The following CADPS variants were observed in gnomAD, a reference collection of about 807,000 sequenced individuals.
CADPS encodes the protein calcium dependent secretion activator, also known as calcium-dependent secretion activator 1.
Under a neutral mutation model 167.3 loss-of-function variants are expected in CADPS, and 57 were observed. The observed-to-expected ratio is 0.34, with a 90% CI of 0.28 to 0.42. The LOEUF is 0.42. Among genes scored for constraint, CADPS ranks in the 20% least tolerant of loss-of-function variants. The pLI, the probability that CADPS is intolerant of heterozygous loss-of-function variation, is 1.00. For synonymous variants in CADPS, 676 were observed against 635.3 expected (o/e 1.06, Z -0.96); for missense variants, 1,414 against 1,738.1 (o/e 0.81, Z 3.32).
At chr3:62,696,374 T>C (rs1320036887) in intron 3 of CADPS, among the ~76,000 whole-genome samples, 1 of 152,076 alleles carries the variant, frequency 6.6e-6, no homozygotes, top group African/African-American at 2.4e-5. Flanking sequence ...TGAACTCCAG[T>C]TTGCCACACT....
intron 21 of CADPS, 28 bp from the exon 22 acceptor site, chr3:62,481,897 A>G: frequency 6.2e-7 from 1 of 1,600,522 alleles, no homozygotes; most frequent in Non-Finnish European, 8.5e-7. Flanking sequence ...AGAAAGAAAA[A>G]ATACCATCAC....
chr3:62,581,595 T>A lies in CADPS; in HGVS notation c.1577+3590A>T, dbSNP rs140496180. On this transcript the variant is annotated intron_variant, in intron 8 of 29. Transcript: ENST00000383710. ...ACTTGGGAGGCTGAGGTGGGAGGACTGCCTGAGCCCAAGAGGTCAAGGCTG... is the reference window on the plus strand; with the variant it reads ...ACTTGGGAGGCTGAGGTGGGAGGACAGCCTGAGCCCAAGAGGTCAAGGCTG... Among the ~76,000 whole-genome samples the A allele has an allele frequency of 4.9e-3, 742 of 152,022 alleles. 5 individuals are homozygous for A. Among genetic ancestry groups the A allele is most frequent in the Non-Finnish European group, 7.9e-3 (534 of 67,960 alleles).
chr3:62,444,168 G>A (rs889234725), intron 27 of CADPS, among the ~76,000 whole-genome samples: 17 of 152,200 alleles, frequency 1.1e-4, no homozygotes, highest in African/African-American at 4.1e-4. Context: ...GGATCCTACA[G>A]AGAATAGACC....
At chr3:62,590,640 G>T (rs975732288) in intron 7 of CADPS, among the ~76,000 whole-genome samples, 1 of 151,952 alleles carries the variant, frequency 6.6e-6, no homozygotes, top group East Asian at 1.9e-4. Flanking sequence ...AAAAATGGGT[G>T]AAAGAAAGGA....
chr3:62,697,326 C>T (rs1437790188), intron 3 of CADPS, among the ~76,000 whole-genome samples: 5 of 152,056 alleles, frequency 3.3e-5, no homozygotes, highest in Non-Finnish European at 7.4e-5. Context: ...TGCATCCTCA[C>T]AGCTTAGCTC....
At position 62,532,891 on chromosome 3, in the gene CADPS, T is replaced by G; in HGVS notation, c.2271A>C (p.Ala757=). The change falls in exon 13 of 30, where the codon GCA becomes GCC. Residue 757 remains alanine (A), a synonymous_variant. Transcript: ENST00000383710. ...TLLHYSFAFC[A]SHVHGNRPDG... is the part of the protein sequence containing the mutation. ...CTTACCTGTTCCCATGGACATGGGA[T>G]GCACAGAAGGCAAAGCTGTAGTGAA... The G allele has an allele frequency of 6.2e-7, 1 of 1,613,658 alleles. No individual in the cohort carries two copies. The highest frequency in any genetic ancestry group is 8.5e-7 in the Non-Finnish European group (1 of 1,179,754).
intron 24 of CADPS, among the ~76,000 whole-genome samples, chr3:62,473,488 G>A (rs151193898): frequency 5.4e-4 from 82 of 152,296 alleles, no homozygotes; most frequent in South Asian, 3.7e-3. Flanking sequence ...TTCTAAATTG[G>A]TATATGAATA....
chr3:62,873,454 A>C lies in CADPS; in HGVS notation c.441+1135T>G, dbSNP rs542170953. Among the ~76,000 whole-genome samples the C allele has an allele frequency of 5.3e-5, 8 of 152,074 alleles. No individual in the cohort carries two copies. In the South Asian group the frequency reaches 1.7e-3, roughly 32 times the overall value. ...GCTTTTTTGATAGCTCAAGTGCTGC[A>C]AATTTATTTAAAAGAGAACAGAACG... On this transcript the variant is annotated intron_variant, in intron 1 of 29. Transcript: ENST00000383710.
At chr3:62,413,974 G>T (rs1477600729) in intron 28 of CADPS, among the ~76,000 whole-genome samples, 1 of 152,020 alleles carries the variant, frequency 6.6e-6, no homozygotes, top group Non-Finnish European at 1.5e-5. Flanking sequence ...AGCTCTCAAG[G>T]CTCCACAGAA....
chr3:62,566,583 T>C (rs1577941174), intron 9 of CADPS, among the ~76,000 whole-genome samples: 1 of 91,818 alleles, frequency 1.1e-5, no homozygotes, highest in Non-Finnish European at 3.0e-5. Context: ...ATCACTTAAA[T>C]AGGGGAGAAG....
intron 2 of CADPS, among the ~76,000 whole-genome samples, chr3:62,762,081 G>A (rs539865923): frequency 2.0e-5 from 3 of 152,128 alleles, no homozygotes; most frequent in Non-Finnish European, 4.4e-5. Context: ...TTCAGACTGG[G>A]CTGGATGGGC....
chr3:62,542,099 T>C (rs923021641), intron 11 of CADPS, among the ~76,000 whole-genome samples: 1 of 152,176 alleles, frequency 6.6e-6, no homozygotes, highest in African/African-American at 2.4e-5. Flanking sequence ...CTGTTGAAAA[T>C]AATTATGATT....
intron 27 of CADPS, among the ~76,000 whole-genome samples, chr3:62,442,539 A>G (rs1358729783): frequency 6.6e-6 from 1 of 152,126 alleles, no homozygotes; most frequent in Admixed American, 6.5e-5. Context: ...CTTCAAAACC[A>G]ACAACAAAAC....
intron 2 of CADPS, among the ~76,000 whole-genome samples, chr3:62,759,243 T>G (rs776305721): frequency 9.2e-5 from 14 of 152,190 alleles, no homozygotes; most frequent in Non-Finnish European, 1.9e-4. Context: ...ATAACAACCT[T>G]CCTTTGTAGG....
chr3:62,428,870 G>C (rs1021325053), intron 28 of CADPS, among the ~76,000 whole-genome samples: 1 of 152,184 alleles, frequency 6.6e-6, no homozygotes, highest in Non-Finnish European at 1.5e-5. Context: ...CTGGTGTCTA[G>C]AGTAGAAACC....
At chr3:62,697,766 C>T (rs1421767919) in intron 3 of CADPS, among the ~76,000 whole-genome samples, 2 of 152,012 alleles carry the variant, frequency 1.3e-5, no homozygotes, top group Admixed American at 1.3e-4. Context: ...ATGCCAACAT[C>T]TATTTTTTTA....
intron 12 of CADPS, among the ~76,000 whole-genome samples, chr3:62,535,826 T>C (rs1002424457): frequency 6.6e-6 from 1 of 151,986 alleles, no homozygotes; most frequent in Non-Finnish European, 1.5e-5. Context: ...AGCTTTAAAA[T>C]AGGATTTCAG....
intron 18 of CADPS, among the ~76,000 whole-genome samples, chr3:62,493,906 A>C (rs78712139): frequency 0.024 from 3,619 of 152,286 alleles, 54 homozygotes; most frequent in Non-Finnish European, 0.039. Context: ...CTAAAGTAAA[A>C]AGTATTCATT....
At chr3:62,784,221 G>A (rs945060252) in intron 1 of CADPS, among the ~76,000 whole-genome samples, 2 of 152,182 alleles carry the variant, frequency 1.3e-5, no homozygotes, top group Admixed American at 6.5e-5. Flanking sequence ...AGTATGTGAT[G>A]TCAAATTATT....
Sources: allele counts gnomAD v4.1 joint callset (sites outside exome capture counted in the v4.1 genomes callset), GRCh38; gene constraint gnomAD v4.1.1; transcripts MANE v1.5; gene names NCBI Gene and HGNC (gene_info 2026-07-23, HGNC 2026-07-21).